The following CEP83 variants were observed in gnomAD, a reference collection of about 807,000 sequenced individuals.
The protein encoded by CEP83 is centrosomal protein 83, also known as centrosomal protein of 83 kDa.
Under a neutral mutation model 101.9 loss-of-function variants are expected in CEP83, and 70 were observed. The observed-to-expected ratio is 0.69, with a 90% CI of 0.57 to 0.84. CEP83 has a LOEUF of 0.84. CEP83 is among the 40% of genes least tolerant of loss of function. The probability of loss-of-function intolerance (pLI) is 0.00; values close to 1 mark genes in which losing one functional copy is unlikely to be tolerated. For synonymous variants in CEP83, 264 were observed against 267.9 expected, an observed-to-expected ratio of 0.99 and a Z score of 0.14; for missense variants, 715 against 787.2, an observed-to-expected ratio of 0.91 and a Z score of 1.10.
In CEP83 at chr12:94,368,113, T is replaced by C; in HGVS notation, c.1137A>G (p.Lys379=). Residue 379 remains lysine, a synonymous_variant, in exon 10 of 17, where the codon AAA becomes AAG. Coordinates refer to ENST00000397809, the MANE Select transcript of CEP83 (RefSeq NM_016122.3). Reference sequence around the variant, plus strand: ...AACCTTCTTCTTTGGCAGCTTGTACTTTACGTATTAATTCACGATCCTTTT... The same window carrying C: ...AACCTTCTTCTTTGGCAGCTTGTACCTTACGTATTAATTCACGATCCTTTT... ...LVEKDRELIR[K]VQAAKEEGYQ... The C allele has an allele frequency of 1.2e-6, 2 of 1,613,388 alleles. No homozygotes were observed. The highest frequency in any genetic ancestry group is 1.1e-5 in the South Asian group (1 of 91,002).
intron 1 of CEP83, among the ~76,000 whole-genome samples, chr12:94,450,632 C>A (rs2067182403): frequency 6.6e-6 from 1 of 152,140 alleles, no homozygotes; most frequent in East Asian, 1.9e-4. Flanking sequence ...AAAATTATAA[C>A]AGTCTTAGGA....
intron 1 of CEP83, among the ~76,000 whole-genome samples, chr12:94,452,231 CT>C (rs1384529414): frequency 2.0e-4 from 30 of 152,136 alleles, no homozygotes; most frequent in African/African-American, 7.2e-4. Context: ...ATCTAGGAGA[CT>C]GATAAAATGT....
At chr12:94,459,409 G>T (rs1213793154) in intron 1 of CEP83, 148 bp downstream of exon 1, 3 of 152,178 alleles carry the variant, frequency 2.0e-5, no homozygotes, top group Non-Finnish European at 4.4e-5. Context: ...AGAGTTTCAC[G>T]TGCGTCTCTC....
the CEP83 span, among the ~76,000 whole-genome samples, chr12:94,284,997 T>C: frequency 6.6e-6 from 1 of 152,264 alleles, no homozygotes; most frequent in African/African-American, 2.4e-5. Context: ...CCAGCAATAA[T>C]GCAGTGGCTC....
At chr12:94,319,650 G>T (rs1374418999) in intron 14 of CEP83, among the ~76,000 whole-genome samples, 5 of 152,132 alleles carry the variant, frequency 3.3e-5, no homozygotes, top group African/African-American at 9.7e-5. Context: ...TCAGGAGCAG[G>T]TTAACTTCCA....
At chr12:94,329,198 G>C (rs910821624) in intron 14 of CEP83, among the ~76,000 whole-genome samples, 2 of 151,126 alleles carry the variant, frequency 1.3e-5, no homozygotes, top group Non-Finnish European at 3.0e-5. Context: ...CATTTCAGTA[G>C]AAAAAAAAAT....
At chr12:94,380,029 C>T (rs1470567579) in intron 6 of CEP83, among the ~76,000 whole-genome samples, 5 of 135,506 alleles carry the variant, frequency 3.7e-5, no homozygotes, top group Non-Finnish European at 6.2e-5. Flanking sequence ...TGTTTGTAGC[C>T]AGGATGAACA....
the CEP83 span, chr12:94,297,155 G>C: frequency 6.2e-7 from 1 of 1,611,808 alleles, no homozygotes; most frequent in Non-Finnish European, 8.5e-7. Flanking sequence ...TTTTTTAATG[G>C]ACTGCTTTCT....
chr12:94,392,521 C>A (rs555811132), intron 6 of CEP83, among the ~76,000 whole-genome samples: 1 of 152,264 alleles, frequency 6.6e-6, no homozygotes, highest in South Asian at 2.1e-4. Flanking sequence ...GCACTAAATG[C>A]CCACAAGACA....
At chr12:94,287,695 GC>G in the CEP83 span, among the ~76,000 whole-genome samples, 2 of 152,338 alleles carry the variant, frequency 1.3e-5, no homozygotes, top group South Asian at 4.1e-4. Context: ...TCATAGGAAT[GC>G]CCCAAAGGGT....
intron 2 of CEP83, among the ~76,000 whole-genome samples, chr12:94,422,178 T>C (rs539378129): frequency 1.3e-5 from 2 of 152,328 alleles, no homozygotes; most frequent in South Asian, 4.1e-4. Flanking sequence ...TCTAAGTTGC[T>C]AGCCAATCAG....
At chr12:94,435,589 C>T (rs1006514415) in intron 1 of CEP83, among the ~76,000 whole-genome samples, 6 of 152,228 alleles carry the variant, frequency 3.9e-5, no homozygotes, top group Non-Finnish European at 1.5e-5. Context: ...AACCCCAGTA[C>T]TTATCCTGCC....
chr12:94,442,253 A>C (rs1158400711), intron 1 of CEP83, among the ~76,000 whole-genome samples: 1 of 152,188 alleles, frequency 6.6e-6, no homozygotes, highest in Non-Finnish European at 1.5e-5. Context: ...CATTATTCTA[A>C]CTGAAGTAAC....
intron 14 of CEP83, among the ~76,000 whole-genome samples, chr12:94,319,965 G>A (rs926251380): frequency 1.3e-5 from 2 of 152,180 alleles, no homozygotes; most frequent in Non-Finnish European, 2.9e-5. Flanking sequence ...GTCTCCCACT[G>A]TTATTGTGTG....
In CEP83 at chr12:94,446,072, T is replaced by C. The variant is rs1249864710; in HGVS notation, c.-154-10745A>G. On this transcript the variant is annotated intron_variant, in intron 1 of 16. Coordinates refer to ENST00000397809, the MANE Select transcript of CEP83 (RefSeq NM_016122.3). ...TATTTGTGATTATTTTTGAACTGCATGATAGTAAGAGGTGTCCCTTATATT... is the reference window on the plus strand; with the variant it reads ...TATTTGTGATTATTTTTGAACTGCACGATAGTAAGAGGTGTCCCTTATATT... 2.0e-5 allele frequency among the ~76,000 whole-genome samples: 3 copies of C among 152,398 alleles called. No individual in the cohort carries two copies. In the East Asian group the frequency reaches 5.8e-4, roughly 29 times the overall value.
At chr12:94,386,104 T>C (rs780640176) in intron 6 of CEP83, among the ~76,000 whole-genome samples, 9 of 152,182 alleles carry the variant, frequency 5.9e-5, no homozygotes, top group Non-Finnish European at 1.0e-4. Flanking sequence ...CATATCCCTG[T>C]CATTAAGCTA....
chr12:94,447,789 T>G (rs139690869), intron 1 of CEP83, among the ~76,000 whole-genome samples: 1 of 151,982 alleles, frequency 6.6e-6, no homozygotes, highest in African/African-American at 2.4e-5. Flanking sequence ...GAGACTGTAA[T>G]TAAGTTAAAA....
the CEP83 span, chr12:94,297,089 C>T: frequency 8.8e-7 from 1 of 1,134,286 alleles, no homozygotes; most frequent in African/African-American, 1.5e-5. Flanking sequence ...CAAGTAACTT[C>T]AGTATACAGC....
chr12:94,366,361 CTAAGGCTAAAGA>C (rs2061027612), intron 11 of CEP83, among the ~76,000 whole-genome samples: 1 of 152,044 alleles, frequency 6.6e-6, no homozygotes, highest in African/African-American at 2.4e-5. Context: ...ACTATATACT[CTAAGGCTAAAGA>C]TAAAAACAAC....
Sources: allele counts gnomAD v4.1 joint callset (sites outside exome capture counted in the v4.1 genomes callset), GRCh38; gene constraint gnomAD v4.1.1; transcripts MANE v1.5; gene names NCBI Gene and HGNC (gene_info 2026-07-23, HGNC 2026-07-21).